NACC2: variants seen among roughly 807,000 people sequenced by gnomAD.
NACC2 encodes the protein NACC family member 2.
In NACC2, 8 loss-of-function variants were observed where a neutral mutation model predicts 25.1. The ratio of observed to expected loss-of-function variants is 0.32; its 90% CI spans 0.19 to 0.57. The LOEUF (loss-of-function observed/expected upper bound fraction) is 0.57, where lower values mean the gene tolerates loss of function less well. NACC2 is among the 20% of genes least tolerant of loss of function. The probability of loss-of-function intolerance (pLI) is 0.89; values close to 1 mark genes in which losing one functional copy is unlikely to be tolerated. For synonymous variants in NACC2, 435 were observed against 294.7 expected (o/e 1.48, Z -4.88); for missense variants, 644 against 650.2 (o/e 0.99, Z 0.10).
chr9:136,067,776 G>A lies in NACC2; in HGVS notation c.-59-17196C>T, dbSNP rs535054632. On this transcript the variant is annotated intron_variant, in intron 1 of 5. Transcript: ENST00000277554. ...CTTGAACCCGGGAGGCGGAGGTTGC[G>A]GTGAGCCGAGATCGCGGCACTGCCT... Among the ~76,000 whole-genome samples, 15 of 152,264 alleles carry A rather than the reference G, an allele frequency of 9.9e-5. No individual in the cohort carries two copies. In the South Asian group the frequency reaches 1.0e-3, roughly 11 times the overall value.
chr9:136,048,229 G>A (rs1289595382), intron 2 of NACC2, among the ~76,000 whole-genome samples: 7 of 152,188 alleles, frequency 4.6e-5, no homozygotes, highest in African/African-American at 1.7e-4. Context: ...TGGGCCTTGG[G>A]AGCCTTCCCC....
intron 1 of NACC2, among the ~76,000 whole-genome samples, chr9:136,093,517 G>A (rs916490397): frequency 6.6e-6 from 1 of 152,176 alleles, no homozygotes; most frequent in Non-Finnish European, 1.5e-5. Context: ...CAGCACCATC[G>A]AGCCCTGGGT....
At chr9:136,043,525 A>G (rs1340464885) in intron 2 of NACC2, among the ~76,000 whole-genome samples, 1 of 152,224 alleles carries the variant, frequency 6.6e-6, no homozygotes, top group Non-Finnish European at 1.5e-5. Flanking sequence ...GTGCGGCCTC[A>G]TGCAGCCCCT....
chr9:136,077,593 G>A (rs1360659899), intron 1 of NACC2, among the ~76,000 whole-genome samples: 4 of 152,136 alleles, frequency 2.6e-5, no homozygotes, highest in Non-Finnish European at 5.9e-5. Flanking sequence ...TCAAGAAAAG[G>A]GAAACGCACA....
Position 136,013,171 on chromosome 9 carries a change from C to T in NACC2, c.1255+28G>A, listed in dbSNP as rs754519858. 5 of 1,222,044 alleles carry T rather than the reference C, an allele frequency of 4.1e-6. No individual in the cohort carries two copies. The highest frequency in any genetic ancestry group is 2.4e-5 in the East Asian group (1 of 42,312). 75.7% of individuals were successfully genotyped at this position (1,222,044 alleles called of 1,614,324 possible). On this transcript the variant is annotated intron_variant, in intron 5 of 5. Transcript: ENST00000277554. This position sits in a 1 kb window ranked among gnomAD's most constrained non-coding sequence, Gnocchi z 6.6. ...GGATCTGAACCCAGCCCCGGCCCCA[C>T]CCACCCGAGAGACCCCCAGGCTCTT...
chr9:136,094,038 G>C (rs2131195965), intron 1 of NACC2, among the ~76,000 whole-genome samples: 1 of 152,358 alleles, frequency 6.6e-6, no homozygotes, highest in East Asian at 1.9e-4. Flanking sequence ...GGCCGCGCTG[G>C]CGGGCGGGAA....
intron 1 of NACC2, among the ~76,000 whole-genome samples, chr9:136,070,668 G>GAA (rs34755994): frequency 2.2e-5 from 3 of 135,872 alleles, no homozygotes; most frequent in Admixed American, 2.2e-4. Context: ...CAAGGAATCA[G>GAA]AAAAAAAAAA....
chr9:136,088,727 C>A (rs576602053), intron 1 of NACC2, among the ~76,000 whole-genome samples: 3 of 152,284 alleles, frequency 2.0e-5, no homozygotes, highest in Admixed American at 1.3e-4. Context: ...CTTTCCTGAC[C>A]CACTGCTTCA....
chr9:136,029,825 C>T (rs529858800), intron 2 of NACC2, among the ~76,000 whole-genome samples: 5 of 152,294 alleles, frequency 3.3e-5, no homozygotes, highest in East Asian at 1.9e-4. Flanking sequence ...GGAGCTTGCT[C>T]GCTCACACAC....
In NACC2 at chr9:136,013,114, C is replaced by A. The variant is rs183385557; in HGVS notation, c.1255+85G>T. On this transcript the variant is annotated intron_variant, in intron 5 of 5. Transcript: ENST00000277554. The surrounding 1 kb of genome is among the most constrained non-coding windows in gnomAD (Gnocchi z 6.6). ...CGGAAGCTGCAGGTGGCCGGGAGCACCCCCGCGGCCCACCCAGTCCTCCTC... is the reference window on the plus strand; with the variant it reads ...CGGAAGCTGCAGGTGGCCGGGAGCAACCCCGCGGCCCACCCAGTCCTCCTC... The A allele has an allele frequency of 1.1e-4, 127 of 1,204,572 alleles. 1 individual carries two copies. The African/African-American group carries it at 1.7e-3, about 16-fold the overall frequency. The allele number at this position is 1,204,572 out of a possible 1,614,324, so 74.6% of individuals were successfully genotyped here.
At position 136,007,513 on chromosome 9, in the gene NACC2, G is replaced by GAA; in HGVS notation, c.*4002_*4003insTT. The GAA allele has an allele frequency of 7.2e-6, 1 of 138,220 alleles. No homozygotes were observed. Among genetic ancestry groups the GAA allele is most frequent in the South Asian group, 2.3e-4 (1 of 4,388 alleles). 8.6% of individuals were successfully genotyped at this position (138,220 alleles called of 1,614,324 possible). A position where few individuals can be genotyped will look rare whatever the true frequency, so the allele number is the denominator to read the frequency against. On this transcript the variant is annotated 3_prime_UTR_variant, in exon 6 of 6. Transcript: ENST00000277554. ...CACAGACACACACATGCACAGACGC[G>GAA]CACACACAGACGCACAGACGTGCAC... is the stretch of plus-strand genomic sequence containing the variant.
intron 1 of NACC2, 111 bp from the exon 2 acceptor site, chr9:136,050,691 TCCGC>T (rs1840816976): frequency 1.6e-6 from 1 of 629,644 alleles, no homozygotes; most frequent in African/African-American, 1.8e-5. Flanking sequence ...GAGCGAGCCT[TCCGC>T]ACGCGCCCTC....
At position 136,084,239 on chromosome 9, in the gene NACC2, C is replaced by G. The variant is rs1830354751; in HGVS notation, c.-60+10950G>C. On this transcript the variant is annotated intron_variant, in intron 1 of 5. Transcript: ENST00000277554. This position sits in a 1 kb window ranked among gnomAD's most constrained non-coding sequence, Gnocchi z 5.1. ...CTCCCCGCTCCCAGGTCAAAGACCT[C>G]CACACCCAGACCTGGTCCTGGGTAG... is the stretch of plus-strand genomic sequence containing the variant. Among the ~76,000 whole-genome samples, 1 of 152,140 alleles carries G rather than the reference C, an allele frequency of 6.6e-6. No homozygotes were observed.
chr9:136,054,634 G>A (rs1840898052), intron 1 of NACC2, among the ~76,000 whole-genome samples: 4 of 152,246 alleles, frequency 2.6e-5, no homozygotes, highest in South Asian at 4.1e-4. Flanking sequence ...GAGGGCAGGG[G>A]CCAAGCCTGG....
chr9:136,048,194 G>A (rs1840757896), intron 2 of NACC2, among the ~76,000 whole-genome samples: 2 of 152,220 alleles, frequency 1.3e-5, no homozygotes, highest in African/African-American at 4.8e-5. Flanking sequence ...CATGGACAGA[G>A]CTCCTTCCCA....
intron 2 of NACC2, among the ~76,000 whole-genome samples, chr9:136,039,501 C>A (rs1840598609): frequency 6.6e-6 from 1 of 152,086 alleles, no homozygotes; most frequent in Non-Finnish European, 1.5e-5. Flanking sequence ...AATGTGGATA[C>A]CAAAACCAGA....
chr9:136,024,104 TGTGG>T (rs1246161067), intron 2 of NACC2, among the ~76,000 whole-genome samples: 90 of 147,512 alleles, frequency 6.1e-4, no homozygotes, highest in African/African-American at 2.3e-3. Context: ...TGTGTGTGTG[TGTGG>T]GTGAGGACAG....
intron 1 of NACC2, among the ~76,000 whole-genome samples, chr9:136,094,346 C>G (rs1830464787): frequency 6.6e-6 from 1 of 152,200 alleles, no homozygotes; most frequent in South Asian, 2.1e-4. Context: ...CGACGAGAGT[C>G]CAAGACCAAA....
intron 1 of NACC2, among the ~76,000 whole-genome samples, chr9:136,053,668 C>T (rs1211381784): frequency 6.6e-6 from 1 of 152,244 alleles, no homozygotes; most frequent in African/African-American, 2.4e-5. Context: ...GGCCCCTAGA[C>T]AGCTCCCTTC....
Sources: allele counts gnomAD v4.1 joint callset (sites outside exome capture counted in the v4.1 genomes callset), GRCh38; gene constraint gnomAD v4.1.1; non-coding constraint Gnocchi (gnomAD v3.1); transcripts MANE v1.5; gene names NCBI Gene and HGNC (gene_info 2026-07-23, HGNC 2026-07-21).